YPEL2: variants seen among roughly 807,000 people sequenced by gnomAD.
YPEL2 encodes the protein protein yippee-like 2.
Under a neutral mutation model 19.1 loss-of-function variants are expected in YPEL2, and 2 were observed. That is an observed-to-expected ratio of 0.10 (90% confidence interval 0.04 to 0.33). The LOEUF (loss-of-function observed/expected upper bound fraction) is 0.33. Ranked by LOEUF, YPEL2 falls within the 10% of genes least tolerant of loss-of-function variation. The probability of loss-of-function intolerance (pLI) is 1.00; values close to 1 mark genes in which losing one functional copy is unlikely to be tolerated. For missense variants in YPEL2, 66 were observed against 140.7 expected (o/e 0.47, Z 2.68); for synonymous variants, 52 against 50.0 (o/e 1.04, Z -0.17).
At chr17:59,364,539 G>A (rs978140441) in intron 2 of YPEL2, among the ~76,000 whole-genome samples, 7 of 151,828 alleles carry the variant, frequency 4.6e-5, no homozygotes, top group African/African-American at 7.3e-5. Flanking sequence ...ATAGCAGCTC[G>A]TGGTATAACT....
At chr17:59,390,994 ATTAAC>A (rs938071925) in intron 4 of YPEL2, among the ~76,000 whole-genome samples, 7 of 152,340 alleles carry the variant, frequency 4.6e-5, no homozygotes, top group African/African-American at 1.4e-4. Context: ...GTCAGTGAAA[ATTAAC>A]TTAAATTGTT....
intron 2 of YPEL2, among the ~76,000 whole-genome samples, chr17:59,380,516 C>A (rs112190461): frequency 1.2e-3 from 188 of 152,236 alleles, no homozygotes; most frequent in African/African-American, 3.0e-3. Flanking sequence ...GTGATCTGCC[C>A]TCCTTGGCCT....
intron 1 of YPEL2, among the ~76,000 whole-genome samples, chr17:59,338,830 G>A (rs1050898865): frequency 2.6e-5 from 4 of 152,248 alleles, no homozygotes; most frequent in African/African-American, 9.6e-5. Context: ...AGAATTCATC[G>A]TCCTGCTAAA....
At chr17:59,354,038 G>A (rs1247873304) in intron 2 of YPEL2, 5 of 216,844 alleles carry the variant, frequency 2.3e-5, no homozygotes, top group East Asian at 2.4e-4. Flanking sequence ...TGTGGGGGCC[G>A]TTAGGGCTCA....
At chr17:59,362,194 C>T (rs1267806021) in intron 2 of YPEL2, among the ~76,000 whole-genome samples, 1 of 151,662 alleles carries the variant, frequency 6.6e-6, no homozygotes, top group Non-Finnish European at 1.5e-5. Flanking sequence ...CGAATGTGTT[C>T]CAGGTACATG....
chr17:59,377,579 G>T (rs1260587606), intron 2 of YPEL2, among the ~76,000 whole-genome samples: 1 of 152,244 alleles, frequency 6.6e-6, no homozygotes, highest in Non-Finnish European at 1.5e-5. Flanking sequence ...TCTGCAGGAT[G>T]CTGAGAGCTG....
In YPEL2 at chr17:59,400,187, A is replaced by T. The variant is rs574525741; in HGVS notation, c.*2997A>T. On this transcript the variant is annotated 3_prime_UTR_variant, in exon 5 of 5. Transcript: ENST00000312655. ...ACCCACAAGCTGTCAGCTGAACCTG[A>T]CTGAGTGTTCTTCCTGAGTTCACGA... The T allele has an allele frequency of 8.5e-5, 13 of 152,720 alleles. No individual in the cohort carries two copies. The highest frequency in any genetic ancestry group is 2.9e-4 in the African/African-American group (12 of 41,544). The allele number at this position is 152,720 out of a possible 1,614,324, so 9.5% of individuals were successfully genotyped here. A position where few individuals can be genotyped will look rare whatever the true frequency, so the allele number is the denominator to read the frequency against.
intron 2 of YPEL2, among the ~76,000 whole-genome samples, chr17:59,357,023 G>A (rs749148712): frequency 9.2e-5 from 14 of 152,172 alleles, no homozygotes; most frequent in Admixed American, 3.3e-4. Flanking sequence ...GTGTATGCTC[G>A]TGATGTGCTA....
At chr17:59,363,528 G>A (rs112197279) in intron 2 of YPEL2, among the ~76,000 whole-genome samples, 2 of 151,912 alleles carry the variant, frequency 1.3e-5, no homozygotes, top group Admixed American at 1.3e-4. Flanking sequence ...GGCTGCTCTC[G>A]AACTCCTGAC....
At chr17:59,375,681 A>G (rs1279500109) in intron 2 of YPEL2, among the ~76,000 whole-genome samples, 1 of 152,232 alleles carries the variant, frequency 6.6e-6, no homozygotes, top group Non-Finnish European at 1.5e-5. Context: ...CTAATTCATT[A>G]ATTTACAGTG....
chr17:59,387,263 A>C (rs1241529998), intron 2 of YPEL2, among the ~76,000 whole-genome samples: 14 of 151,476 alleles, frequency 9.2e-5, no homozygotes, highest in African/African-American at 2.9e-4. Context: ...CATCTAAAAA[A>C]AAAAAAAAAA....
chr17:59,387,356 G>C (rs1294237360), intron 2 of YPEL2, among the ~76,000 whole-genome samples: 1 of 151,618 alleles, frequency 6.6e-6, no homozygotes. Flanking sequence ...ATTGTCTCGC[G>C]TGCTGATCTG....
intron 4 of YPEL2, among the ~76,000 whole-genome samples, chr17:59,394,961 C>T (rs1237969925): frequency 3.3e-5 from 5 of 152,208 alleles, no homozygotes; most frequent in East Asian, 1.9e-4. Context: ...TGGCGGCACG[C>T]GCCTGCAATC....
intron 4 of YPEL2, among the ~76,000 whole-genome samples, chr17:59,396,181 C>T (rs913946505): frequency 1.4e-4 from 21 of 152,214 alleles, no homozygotes; most frequent in East Asian, 1.2e-3. Flanking sequence ...GGCAAACTTC[C>T]GTTAGCACCA....
intron 2 of YPEL2, chr17:59,366,021 T>C (rs1361790425): frequency 6.6e-6 from 1 of 152,418 alleles, no homozygotes; most frequent in Non-Finnish European, 1.5e-5. Flanking sequence ...AAATTCTCTA[T>C]CTTTGGGGGC....
rs920695713 is a variant in YPEL2 at position 59,398,339 on chromosome 17, C to G, written c.*1149C>G. On this transcript the variant is annotated 3_prime_UTR_variant, in exon 5 of 5. Coordinates refer to ENST00000312655, the MANE Select transcript of YPEL2 (RefSeq NM_001005404.4). ...AGAGTTTCGGGTGTTTTTCTCCAGT[C>G]TTGTTACTGTAGACTGTAGAAAGCA... 11 of 152,140 alleles carry G rather than the reference C, an allele frequency of 7.2e-5. No individual in the cohort carries two copies. The highest frequency in any genetic ancestry group is 2.7e-4 in the African/African-American group (11 of 41,432). The allele number at this position is 152,140 out of a possible 1,614,324, so 9.4% of individuals were successfully genotyped here.
chr17:59,381,115 C>T lies in YPEL2; in HGVS notation c.118-7212C>T, dbSNP rs147253665. On this transcript the variant is annotated intron_variant, in intron 2 of 4. Coordinates refer to ENST00000312655, the MANE Select transcript of YPEL2 (RefSeq NM_001005404.4). ...AGGAAATGGACATGGTTTCTACTTA[C>T]AGATGAAAAAGATGTGGCAGCTCAG... Among the ~76,000 whole-genome samples the T allele has an allele frequency of 4.0e-3, 604 of 152,312 alleles. 3 individuals carry two copies. The highest frequency in any genetic ancestry group is 0.013 in the African/African-American group (560 of 41,562).
At chr17:59,332,555 T>G (rs1173085020) in intron 1 of YPEL2, among the ~76,000 whole-genome samples, 1 of 152,104 alleles carries the variant, frequency 6.6e-6, no homozygotes, top group Non-Finnish European at 1.5e-5. Flanking sequence ...CAGTTCACCC[T>G]GCTTGGCCGC....
chr17:59,397,047 C>A lies in YPEL2; in HGVS notation c.271-54C>A. ...CTGCCTCAAAAAAGAAAAAAAAAAT[C>A]ATTTTCTTGTCTTTGGTCGTTCAGT... On this transcript the variant is annotated intron_variant, in intron 4 of 4. Coordinates refer to ENST00000312655, the MANE Select transcript of YPEL2 (RefSeq NM_001005404.4). 4.2e-6 allele frequency: 6 copies of A among 1,421,610 alleles called. No individual in the cohort carries two copies. In the South Asian group the frequency reaches 5.3e-5, roughly 13 times the overall value. 88.1% of individuals were successfully genotyped at this position (1,421,610 alleles called of 1,614,324 possible).
Sources: gnomAD v4.1 joint callset for allele counts (sites outside exome capture counted in the v4.1 genomes callset) on GRCh38, gnomAD v4.1.1 for gene constraint, MANE v1.5 for transcripts, NCBI Gene and HGNC (gene_info 2026-07-23, HGNC 2026-07-21) for gene names.